SLC24A2: variants seen among roughly 807,000 people sequenced by gnomAD.
SLC24A2 encodes solute carrier family 24 member 2, also known as sodium/potassium/calcium exchanger 2.
In SLC24A2, 36 loss-of-function variants were observed where a neutral mutation model predicts 62.0. That is an observed-to-expected ratio of 0.58 (90% CI 0.44 to 0.77). The LOEUF (loss-of-function observed/expected upper bound fraction) is 0.77, where lower values mean the gene tolerates loss of function less well. SLC24A2 is among the 30% of genes least tolerant of loss of function. The probability of loss-of-function intolerance (pLI) is 0.00; values close to 1 mark genes in which losing one functional copy is unlikely to be tolerated. For missense variants in SLC24A2, 846 were observed against 817.9 expected (o/e 1.03, Z -0.42); for synonymous variants, 358 against 294.0 (o/e 1.22, Z -2.23).
intron 2 of SLC24A2, among the ~76,000 whole-genome samples, chr9:19,715,110 T>C (rs1820821829): frequency 6.6e-6 from 1 of 152,106 alleles, no homozygotes; most frequent in Non-Finnish European, 1.5e-5. Flanking sequence ...AATTAACACT[T>C]CTAAACACCT....
At chr9:20,256,265 A>C in the SLC24A2 span, among the ~76,000 whole-genome samples, 702 of 152,328 alleles carry the variant, frequency 4.6e-3, 3 homozygotes, top group Non-Finnish European at 6.7e-3. Context: ...AATGAAAAGC[A>C]TAAGGGAAGC....
At chr9:19,693,857 T>C (rs1820111505) in intron 2 of SLC24A2, among the ~76,000 whole-genome samples, 1 of 152,110 alleles carries the variant, frequency 6.6e-6, no homozygotes, top group African/African-American at 2.4e-5. Context: ...TTTTTACCTG[T>C]CTTTGTTCAT....
At chr9:20,050,925 G>T in the SLC24A2 span, among the ~76,000 whole-genome samples, 1 of 151,734 alleles carries the variant, frequency 6.6e-6, no homozygotes, top group East Asian at 1.9e-4. Context: ...CAAATTAACA[G>T]AAGAAAACTA....
At chr9:19,808,487 C>T in the SLC24A2 span, among the ~76,000 whole-genome samples, 1 of 152,068 alleles carries the variant, frequency 6.6e-6, no homozygotes, top group Non-Finnish European at 1.5e-5. This position sits in a 1 kb window ranked among gnomAD's most constrained non-coding sequence, Gnocchi z 4.1. Flanking sequence ...AATGCTAACC[C>T]GTCCAAACCC....
intron 2 of SLC24A2, among the ~76,000 whole-genome samples, chr9:19,777,235 A>G (rs1467355005): frequency 1.3e-5 from 2 of 152,222 alleles, no homozygotes; most frequent in Non-Finnish European, 2.9e-5. Context: ...GAAAAATGTC[A>G]TTCTTCATAA....
the SLC24A2 span, among the ~76,000 whole-genome samples, chr9:19,848,087 C>G: frequency 6.6e-6 from 1 of 152,202 alleles, no homozygotes; most frequent in East Asian, 1.9e-4. Context: ...TAATTTCTTG[C>G]CTTATTATTT....
the SLC24A2 span, among the ~76,000 whole-genome samples, chr9:20,262,804 G>A: frequency 6.8e-4 from 103 of 152,208 alleles, 1 homozygote; most frequent in African/African-American, 2.4e-3. Context: ...TCTGCCCCTC[G>A]TCACGCCCTC....
chr9:19,565,215 C>T (rs1835598622), intron 7 of SLC24A2, among the ~76,000 whole-genome samples: 1 of 151,898 alleles, frequency 6.6e-6, no homozygotes, highest in Non-Finnish European at 1.5e-5. Context: ...TTTAGAAAAC[C>T]CCATTGTCTC....
chr9:19,984,679 C>G, the SLC24A2 span, among the ~76,000 whole-genome samples: 1 of 150,894 alleles, frequency 6.6e-6, no homozygotes, highest in Non-Finnish European at 1.5e-5. Context: ...ACATGCCAGC[C>G]TGGGCAATGG....
intron 5 of SLC24A2, among the ~76,000 whole-genome samples, chr9:19,583,047 T>C (rs1262498072): frequency 6.6e-6 from 1 of 152,062 alleles, no homozygotes; most frequent in African/African-American, 2.4e-5. Flanking sequence ...AAACAGAACA[T>C]GGCACTTACT....
intron 5 of SLC24A2, among the ~76,000 whole-genome samples, chr9:19,582,821 C>T (rs1462345390): frequency 6.6e-6 from 1 of 152,118 alleles, no homozygotes; most frequent in Non-Finnish European, 1.5e-5. Context: ...TCTCACACCC[C>T]ACATGCCATC....
intron 9 of SLC24A2, among the ~76,000 whole-genome samples, chr9:19,523,752 G>A (rs1052073231): frequency 3.3e-5 from 5 of 152,064 alleles, no homozygotes; most frequent in South Asian, 2.1e-4. Flanking sequence ...GGTGAGCCAC[G>A]GCACCCAGCC....
At chr9:19,905,929 G>T in the SLC24A2 span, among the ~76,000 whole-genome samples, 1 of 152,090 alleles carries the variant, frequency 6.6e-6, no homozygotes, top group Non-Finnish European at 1.5e-5. Flanking sequence ...GAGACAGAAA[G>T]TTAACAACGA....
intron 2 of SLC24A2, among the ~76,000 whole-genome samples, chr9:19,734,194 G>C (rs1426177365): frequency 6.6e-6 from 1 of 150,886 alleles, no homozygotes; most frequent in Non-Finnish European, 1.5e-5. Context: ...TCAGATAGTT[G>C]TAGATATGTG....
the SLC24A2 span, among the ~76,000 whole-genome samples, chr9:19,983,441 G>C: frequency 6.6e-6 from 1 of 152,088 alleles, no homozygotes; most frequent in East Asian, 1.9e-4. Context: ...TCAAGAGATC[G>C]AGACCATACT....
intron 4 of SLC24A2, among the ~76,000 whole-genome samples, chr9:19,613,177 T>C (rs1179553949): frequency 6.6e-6 from 1 of 152,240 alleles, no homozygotes; most frequent in Non-Finnish European, 1.5e-5. Flanking sequence ...GTTATCTCTT[T>C]GTTCAAGGTG....
At chr9:19,782,451 A>C (rs1378459670) in intron 2 of SLC24A2, among the ~76,000 whole-genome samples, 3 of 152,208 alleles carry the variant, frequency 2.0e-5, no homozygotes, top group Non-Finnish European at 2.9e-5. Flanking sequence ...ATAAAATCTC[A>C]GGATGAAATA....
At chr9:19,658,960 G>A (rs1406150157) in intron 2 of SLC24A2, among the ~76,000 whole-genome samples, 1 of 152,138 alleles carries the variant, frequency 6.6e-6, no homozygotes, top group Non-Finnish European at 1.5e-5. Context: ...ACCCTTGCTG[G>A]TTTCCTGGAA....
the SLC24A2 span, among the ~76,000 whole-genome samples, chr9:20,191,234 CT>C: frequency 6.6e-6 from 1 of 151,044 alleles, no homozygotes. Context: ...TCTATTATTG[CT>C]TTTAGCTTAT....
Sources: gnomAD v4.1 joint callset for allele counts (sites outside exome capture counted in the v4.1 genomes callset) on GRCh38, gnomAD v4.1.1 for gene constraint, Gnocchi (gnomAD v3.1) non-coding constraint, MANE v1.5 for transcripts, NCBI Gene and HGNC (gene_info 2026-07-23, HGNC 2026-07-21) for gene names.